Variants in NCOR1 observed in about 807,000 individuals in gnomAD.
NCOR1 encodes nuclear receptor corepressor 1, also known as protein phosphatase 1, regulatory subunit 109.
In NCOR1, 63 loss-of-function variants were observed where a neutral mutation model predicts 288.1. The ratio of observed to expected loss-of-function variants is 0.22; its 90% confidence interval spans 0.18 to 0.27. The LOEUF (loss-of-function observed/expected upper bound fraction) is 0.27, where lower values mean the gene tolerates loss of function less well. NCOR1 is among the 10% of genes least tolerant of loss of function. The pLI is 1.00. For missense variants in NCOR1, 2,397 were observed against 3,019.2 expected (o/e 0.79, Z 4.83); for synonymous variants, 1,007 against 1,065.9 (o/e 0.94, Z 1.08).
chr17:16,094,478 A>C (rs964540490), intron 21 of NCOR1, among the ~76,000 whole-genome samples: 1 of 152,218 alleles, frequency 6.6e-6, no homozygotes, highest in Non-Finnish European at 1.5e-5. Flanking sequence ...AACTAAAGAA[A>C]AGAACAAGGT....
chr17:16,038,740 G>A (rs1024941969), intron 44 of NCOR1, among the ~76,000 whole-genome samples: 19 of 151,364 alleles, frequency 1.3e-4, no homozygotes, highest in Admixed American at 3.9e-4. Context: ...TTTTTTTATG[G>A]CTTACGATTA....
chr17:16,104,671 T>C (rs1343868116), intron 19 of NCOR1, among the ~76,000 whole-genome samples: 1 of 152,172 alleles, frequency 6.6e-6, no homozygotes, highest in Non-Finnish European at 1.5e-5. Flanking sequence ...ATTGGGAGGC[T>C]GAGGCAAGAG....
intron 23 of NCOR1, 83 bp from the exon 24 acceptor site, chr17:16,080,810 C>A: frequency 1.5e-6 from 2 of 1,305,456 alleles, no homozygotes; most frequent in Non-Finnish European, 2.1e-6. Context: ...TCAGCATTCC[C>A]ATTTCTGTTT....
intron 14 of NCOR1, among the ~76,000 whole-genome samples, chr17:16,127,854 T>C (rs1317571744): frequency 1.3e-5 from 2 of 151,684 alleles, no homozygotes; most frequent in Non-Finnish European, 2.9e-5. Context: ...GGGGAACTGC[T>C]TTATTTTGCT....
chr17:16,062,417 GCCTTT>G, intron 35 of NCOR1, 147 bp from the exon 36 acceptor site: 1 of 856,628 alleles, frequency 1.2e-6, no homozygotes, highest in Non-Finnish European at 1.6e-6. Context: ...CTACTTTCTG[GCCTTT>G]CCAGAAATAT....
At chr17:16,132,809 T>TC (rs59189803) in intron 14 of NCOR1, among the ~76,000 whole-genome samples, 30 of 150,868 alleles carry the variant, frequency 2.0e-4, no homozygotes, top group African/African-American at 6.8e-4. Flanking sequence ...TTTTTTTTTT[T>TC]CCTGAGATGG....
intron 44 of NCOR1, among the ~76,000 whole-genome samples, chr17:16,035,530 CTTTT>C (rs966987249): frequency 1.7e-5 from 2 of 118,328 alleles, no homozygotes; most frequent in Non-Finnish European, 3.6e-5. Context: ...TTCTCTTGTT[CTTTT>C]TTTTTTTTTT....
intron 28 of NCOR1, 81 bp from the exon 29 acceptor site, chr17:16,072,309 CTATGTTTT>C: frequency 9.2e-7 from 1 of 1,087,056 alleles, no homozygotes; most frequent in Non-Finnish European, 1.3e-6. Flanking sequence ...TTCTTAAAGT[CTATGTTTT>C]TGATAAATGC....
rs1568195167 is a variant in NCOR1, at chr17:16,127,293, GTATGTA to G, written c.1510-1093_1510-1088del. Among the ~76,000 whole-genome samples, 277 of 61,470 alleles carry G rather than the reference GTATGTA, an allele frequency of 4.5e-3. 89 individuals are homozygous for G. The highest frequency in any genetic ancestry group is 0.016 in the African/African-American group (252 of 15,602). The allele number at this position is 61,470 out of a possible 152,430, so 40.3% of individuals were successfully genotyped here. On this transcript the variant is annotated intron_variant, in intron 14 of 45. Transcript: ENST00000268712. ...TGTATGTATATATACGTGTATATAT[GTATGTA>G]TGTATATATACATGTATGTATATAT...
At chr17:16,155,366 A>ATACACACAC (rs1555736105) in intron 6 of NCOR1, among the ~76,000 whole-genome samples, 6 of 136,982 alleles carry the variant, frequency 4.4e-5, no homozygotes, top group African/African-American at 1.8e-4. Flanking sequence ...AAAAAAAAAA[A>ATACACACAC]AAATACACAC....
At chr17:16,145,026 C>T (rs906590520) in intron 10 of NCOR1, among the ~76,000 whole-genome samples, 1 of 152,194 alleles carries the variant, frequency 6.6e-6, no homozygotes, top group Non-Finnish European at 1.5e-5. Flanking sequence ...TCTCCTGCCT[C>T]GTGCCTGGGA....
Position 16,047,056 on chromosome 17 carries a change from G to T in NCOR1, c.6574C>A (p.Pro2192Thr). The change falls in exon 42 of 46, where the codon CCT becomes ACT. Residue 2192 changes from proline to threonine, a missense_variant. By Grantham distance (38) the Pro-to-Thr change is conservative. Around this residue, in one of 11 missense-constraint regions of NCOR1, gnomAD observed 1,872 missense variants for 2,187.8 expected, o/e 0.86. Transcript: ENST00000268712. The stretch of plus-strand genomic sequence containing the variant: ...TTTTCAAGCTTGGTGAAGAATGAAG[G>T]CAAGTAGCTTATACTCCCTGGTGAG... ...ARSPGSISYLPSFFTKLENTS... is the reference protein window; with the variant it reads ...ARSPGSISYLTSFFTKLENTS... 6.2e-7 allele frequency: 1 copy of T among 1,613,686 alleles called. No homozygotes were observed. The highest frequency in any genetic ancestry group is 8.5e-7 in the Non-Finnish European group (1 of 1,179,834).
At chr17:16,165,474 G>A (rs2081850213) in intron 4 of NCOR1, among the ~76,000 whole-genome samples, 1 of 152,182 alleles carries the variant, frequency 6.6e-6, no homozygotes, top group Non-Finnish European at 1.5e-5. Context: ...CATGACAAAG[G>A]AAGATACCAA....
At chr17:16,111,807 C>T (rs948055292) in intron 18 of NCOR1, among the ~76,000 whole-genome samples, 1 of 152,068 alleles carries the variant, frequency 6.6e-6, no homozygotes, top group African/African-American at 2.4e-5. Flanking sequence ...TATGCATACA[C>T]ACATCCTGTT....
intron 44 of NCOR1, among the ~76,000 whole-genome samples, chr17:16,035,847 T>C (rs968657095): frequency 3.9e-5 from 6 of 152,108 alleles, no homozygotes; most frequent in African/African-American, 1.4e-4. Flanking sequence ...CGGCCTCTCT[T>C]GCTATTTCTC....
intron 4 of NCOR1, among the ~76,000 whole-genome samples, chr17:16,165,409 G>C (rs1238725292): frequency 2.0e-5 from 3 of 152,168 alleles, no homozygotes; most frequent in Admixed American, 2.0e-4. Context: ...GTGTTGATCA[G>C]CCTCTAGTAT....
chr17:16,169,110 C>T (rs1295237577), intron 4 of NCOR1, among the ~76,000 whole-genome samples: 1 of 152,102 alleles, frequency 6.6e-6, no homozygotes, highest in African/African-American at 2.4e-5. Context: ...ACTAACAATA[C>T]AGTTGTAAAC....
At chr17:16,159,564 C>T (rs2080410898) in intron 5 of NCOR1, among the ~76,000 whole-genome samples, 1 of 152,008 alleles carries the variant, frequency 6.6e-6, no homozygotes, top group Non-Finnish European at 1.5e-5. Flanking sequence ...TATAGATACA[C>T]AGTATACATT....
At chr17:16,039,957 A>G in intron 43 of NCOR1, 1 of 391,544 alleles carries the variant, frequency 2.6e-6, no homozygotes, top group Non-Finnish European at 4.9e-6. Flanking sequence ...CACCAGGCTA[A>G]TTTTTTGTAT....
Sources: gnomAD v4.1 joint callset for allele counts (sites outside exome capture counted in the v4.1 genomes callset) on GRCh38, gnomAD v4.1.1 for gene constraint, gnomAD v4.1.1 regional missense constraint, MANE v1.5 for transcripts, NCBI Gene and HGNC (gene_info 2026-07-23, HGNC 2026-07-21) for gene names.